The following ABCA10 variants were observed in gnomAD, a reference collection of about 807,000 sequenced individuals.
The protein encoded by ABCA10 is ATP-binding cassette sub-family A member 10.
ABCA10 carries 169 observed loss-of-function variants against 187.5 expected under a neutral mutation model. The ratio of observed to expected loss-of-function variants is 0.90; its 90% CI spans 0.80 to 1.02. The LOEUF is 1.02. Among genes scored for constraint, ABCA10 ranks in the 50% least tolerant of loss-of-function variants. ABCA10 has a pLI of 0.00. For missense variants in ABCA10, 1,727 were observed against 1,812.4 expected, an observed-to-expected ratio of 0.95 and a Z score of 0.86; for synonymous variants, 574 against 601.8, an observed-to-expected ratio of 0.95 and a Z score of 0.68.
At chr17:69,176,789 T>G (rs565104775) in intron 22 of ABCA10, among the ~76,000 whole-genome samples, 18 of 152,300 alleles carry the variant, frequency 1.2e-4, no homozygotes, top group Non-Finnish European at 2.2e-4. Flanking sequence ...GATAAATTAT[T>G]TCTAGAATTT....
chr17:69,225,246 G>A (rs1598127001), intron 3 of ABCA10, 79 bp downstream of exon 3: 1 of 1,485,134 alleles, frequency 6.7e-7, no homozygotes. Flanking sequence ...ACACAGGCTA[G>A]GTAAGTAAAT....
At chr17:69,190,119 G>A (rs2074448962) in intron 18 of ABCA10, among the ~76,000 whole-genome samples, 1 of 152,064 alleles carries the variant, frequency 6.6e-6, no homozygotes, top group Admixed American at 6.6e-5. Context: ...TCACTGACAT[G>A]GGAAGCAGAC....
Position 69,155,065 on chromosome 17 carries a change from T to C in ABCA10, c.3648A>G (p.Arg1216=), listed in dbSNP as rs780806475. The part of the protein sequence containing the change: ...YETKKSCFST[R]KKKIAIRNVS... ...CATTTCTGATGGCTATTTTCTTCTT[T>C]CTTGTTGAAAAGCAACTTTTCTTTG... Residue 1216 remains arginine (R), a synonymous_variant, in exon 30 of 39, where the codon AGA becomes AGG. Transcript: ENST00000690296. The C allele has an allele frequency of 2.5e-6, 4 of 1,612,408 alleles. No homozygotes were observed. The highest frequency in any genetic ancestry group is 1.7e-5 in the Admixed American group (1 of 59,956).
chr17:69,222,745 T>C (rs1165991370), intron 3 of ABCA10, 48 bp from the exon 4 acceptor site: 2 of 1,483,560 alleles, frequency 1.3e-6, no homozygotes, highest in Non-Finnish European at 8.9e-7. Flanking sequence ...AACTTATTAC[T>C]AGAGGACACA....
chr17:69,166,248 C>T (rs1489399810), intron 25 of ABCA10, among the ~76,000 whole-genome samples: 1 of 151,832 alleles, frequency 6.6e-6, no homozygotes, highest in Non-Finnish European at 1.5e-5. Flanking sequence ...TAGTGCAATA[C>T]CATAAACTTT....
chr17:69,208,287 A>G (rs1452740947), intron 9 of ABCA10, among the ~76,000 whole-genome samples: 1 of 151,872 alleles, frequency 6.6e-6, no homozygotes, highest in Non-Finnish European at 1.5e-5. Flanking sequence ...GCGTGGTGGC[A>G]GGTGCCTGTA....
In ABCA10 at chr17:69,214,734, A is replaced by G. The variant is rs1056894822; in HGVS notation, c.976T>C (p.Phe326Leu). ...AAAACTCGCTCAAAATATAATGTGA[A>G]TATCAAATAGAAAAGAGTATCAAAT... ...LAFDTLFYLI[F>L]TLYFERVLPD... Residue 326 changes from phenylalanine to leucine, a missense_variant, in exon 9 of 39, where the codon TTC becomes CTC. By Grantham distance (22) the Phe-to-Leu change is conservative. Coordinates refer to ENST00000690296, the MANE Select transcript of ABCA10 (RefSeq NM_001377321.1). The G allele has an allele frequency of 1.3e-6, 2 of 1,517,040 alleles. No individual in the cohort carries two copies. The highest frequency in any genetic ancestry group is 1.8e-6 in the Non-Finnish European group (2 of 1,141,132). 94.0% of individuals were successfully genotyped at this position (1,517,040 alleles called of 1,614,324 possible). A position where few individuals can be genotyped will look rare whatever the true frequency, so the allele number is the denominator to read the frequency against.
chr17:69,202,053 G>C (rs2074550468), intron 9 of ABCA10, among the ~76,000 whole-genome samples: 1 of 152,178 alleles, frequency 6.6e-6, no homozygotes, highest in African/African-American at 2.4e-5. Context: ...AAAGTGCTGG[G>C]ATTACAGGCG....
intron 36 of ABCA10, among the ~76,000 whole-genome samples, chr17:69,150,915 C>T (rs897791815): frequency 6.6e-6 from 1 of 152,116 alleles, no homozygotes. Flanking sequence ...TGGTACTGTC[C>T]ACACAGGAAG....
At position 69,225,439 on chromosome 17, in the gene ABCA10, C is replaced by T. The variant is rs1598127189; in HGVS notation, c.-81G>A. 4.7e-6 allele frequency: 7 copies of T among 1,481,544 alleles called. No individual in the cohort carries two copies. The East Asian group carries it at 1.6e-4, about 34-fold the overall frequency. 91.8% of individuals were successfully genotyped at this position (1,481,544 alleles called of 1,614,324 possible). A position where few individuals can be genotyped will look rare whatever the true frequency, so the allele number is the denominator to read the frequency against. On this transcript the variant is annotated 5_prime_UTR_variant, in exon 3 of 39. Transcript: ENST00000690296. ...TTAAACTGATCCACGCTTCCCAGGA[C>T]TTTAGGAGGTTGTTCAGGAAAACGG...
intron 23 of ABCA10, 90 bp downstream of exon 23, chr17:69,175,316 T>G: frequency 9.1e-7 from 1 of 1,101,252 alleles, no homozygotes; most frequent in South Asian, 1.6e-5. Context: ...TTAACCAAAG[T>G]ACAACTGTGT....
rs774666757 is a variant in ABCA10 at position 69,156,922 on chromosome 17, G to A, written c.3365C>T (p.Pro1122Leu). 2 of 1,556,936 alleles carry A rather than the reference G, an allele frequency of 1.3e-6. No homozygotes were observed. Among genetic ancestry groups the A allele is most frequent in the Non-Finnish European group, 1.7e-6 (2 of 1,147,454 alleles). Residue 1122 changes from proline (P) to leucine (L), a missense_variant and splice_region_variant, in exon 28 of 39, where the codon CCA becomes CTA. Transcript: ENST00000690296. ...NKTILLTTLI[P>L]YLQSVIFLFV... ...AAGGAAAATAACACTCTGAAGGTATGGCTAAAAGAAAAGAAAAATAATCAG... is the reference window on the plus strand; with the variant it reads ...AAGGAAAATAACACTCTGAAGGTATAGCTAAAAGAAAAGAAAAATAATCAG...
chr17:69,200,515 T>C (rs528880543), intron 10 of ABCA10, among the ~76,000 whole-genome samples: 1 of 152,308 alleles, frequency 6.6e-6, no homozygotes, highest in East Asian at 1.9e-4. Flanking sequence ...CCTAGGGAAG[T>C]ATGCACTAAA....
chr17:69,216,362 T>C lies in ABCA10; in HGVS notation c.531-4A>G, dbSNP rs541128695. The C allele has an allele frequency of 2.5e-6, 4 of 1,607,468 alleles. No individual in the cohort carries two copies. The highest frequency in any genetic ancestry group is 2.2e-5 in the East Asian group (1 of 44,756). ...GTATGTCAATCCCCAGGAGAGCCTA[T>C]AGTAGAAACAAGGTGTTAGTTCAAC... On this transcript the variant is annotated splice_polypyrimidine_tract_variant and splice_region_variant and intron_variant, in intron 6 of 38. Transcript: ENST00000690296.
chr17:69,224,800 C>T (rs2074780311), intron 3 of ABCA10, among the ~76,000 whole-genome samples: 1 of 151,806 alleles, frequency 6.6e-6, no homozygotes, highest in South Asian at 2.1e-4. Context: ...CTGAGCTGTA[C>T]ATTTTAACTA....
intron 25 of ABCA10, among the ~76,000 whole-genome samples, chr17:69,165,614 C>G (rs1003905596): frequency 1.9e-4 from 29 of 152,276 alleles, no homozygotes; most frequent in African/African-American, 6.7e-4. Flanking sequence ...TATCCCCACT[C>G]AGACTGTTAG....
chr17:69,156,372 C>T (rs1202796181), intron 28 of ABCA10, among the ~76,000 whole-genome samples: 1 of 152,162 alleles, frequency 6.6e-6, no homozygotes, highest in Non-Finnish European at 1.5e-5. Context: ...CAGACATGTA[C>T]AGGACAAAAA....
intron 9 of ABCA10, among the ~76,000 whole-genome samples, chr17:69,204,274 G>A (rs2074572951): frequency 1.3e-5 from 2 of 152,112 alleles, no homozygotes; most frequent in Admixed American, 6.5e-5. Context: ...ACTATTTCAC[G>A]TTGCTGGGCA....
chr17:69,173,155 G>A (rs1250587362), intron 25 of ABCA10, among the ~76,000 whole-genome samples: 1 of 152,094 alleles, frequency 6.6e-6, no homozygotes, highest in Non-Finnish European at 1.5e-5. Context: ...AAAGATCAAT[G>A]ACTAATGCCG....
Sources: allele counts gnomAD v4.1 joint callset (sites outside exome capture counted in the v4.1 genomes callset), GRCh38; gene constraint gnomAD v4.1.1; transcripts MANE v1.5; gene names NCBI Gene and HGNC (gene_info 2026-07-23, HGNC 2026-07-21).